ATAD1: variants seen among roughly 807,000 people sequenced by gnomAD.
The protein encoded by ATAD1 is outer mitochondrial transmembrane helix translocase.
ATAD1 carries 18 observed loss-of-function variants against 42.7 expected under a neutral mutation model. The observed-to-expected ratio is 0.42, with a 90% CI of 0.29 to 0.63. ATAD1 has a LOEUF of 0.63. Among genes scored for constraint, ATAD1 ranks in the 20% least tolerant of loss-of-function variants. ATAD1 has a pLI of 0.19. For missense variants in ATAD1, 294 were observed against 440.4 expected, an observed-to-expected ratio of 0.67 and a Z score of 2.98; for synonymous variants, 132 against 143.1, an observed-to-expected ratio of 0.92 and a Z score of 0.55.
intron 1 of ATAD1, among the ~76,000 whole-genome samples, chr10:87,825,817 T>C (rs767848822): frequency 2.6e-5 from 4 of 151,912 alleles, no homozygotes; most frequent in African/African-American, 4.8e-5. Context: ...TCCTCCCAGC[T>C]TGGCCTCCCA....
chr10:87,835,314 G>A (rs2132116333), intron 1 of ATAD1, among the ~76,000 whole-genome samples: 1 of 152,164 alleles, frequency 6.6e-6, no homozygotes, highest in Admixed American at 6.5e-5. Context: ...ATCCATCACT[G>A]AGAGAGGAGT....
At chr10:87,783,671 G>A (rs865892544) in intron 5 of ATAD1, among the ~76,000 whole-genome samples, 5 of 150,878 alleles carry the variant, frequency 3.3e-5, no homozygotes, top group Middle Eastern at 3.5e-3. Context: ...TATATACATC[G>A]TACCAGGAAC....
At chr10:87,817,640 T>C (rs1406127616) in intron 1 of ATAD1, among the ~76,000 whole-genome samples, 2 of 152,244 alleles carry the variant, frequency 1.3e-5, no homozygotes, top group Non-Finnish European at 2.9e-5. Context: ...ATAAAGGCCC[T>C]ACGAATACAG....
intron 8 of ATAD1, among the ~76,000 whole-genome samples, chr10:87,766,422 CAAAG>C (rs1276465090): frequency 1.3e-5 from 2 of 151,588 alleles, no homozygotes; most frequent in African/African-American, 4.8e-5. Context: ...AGTGTAAAAA[CAAAG>C]AGAGACAACA....
At chr10:87,758,140 T>C (rs2131756708) in intron 8 of ATAD1, among the ~76,000 whole-genome samples, 1 of 152,266 alleles carries the variant, frequency 6.6e-6, no homozygotes, top group East Asian at 1.9e-4. Flanking sequence ...TAAAATGCTG[T>C]ACAATAAGGA....
At chr10:87,806,060 ATC>A (rs1856908689) in intron 2 of ATAD1, among the ~76,000 whole-genome samples, 1 of 152,042 alleles carries the variant, frequency 6.6e-6, no homozygotes, top group East Asian at 1.9e-4. Context: ...TAACCAAATA[ATC>A]TCTGAGGTTT....
intron 8 of ATAD1, among the ~76,000 whole-genome samples, chr10:87,763,168 G>A (rs1854577287): frequency 6.7e-6 from 1 of 148,690 alleles, no homozygotes; most frequent in Non-Finnish European, 1.5e-5. Context: ...AAAACATGGA[G>A]AATTTTAGGA....
At chr10:87,784,950 C>T (rs1218413216) in intron 4 of ATAD1, among the ~76,000 whole-genome samples, 3 of 152,288 alleles carry the variant, frequency 2.0e-5, no homozygotes, top group African/African-American at 7.2e-5. Context: ...CAAATTCATA[C>T]CACTTTATCA....
At chr10:87,782,973 T>C (rs1378859012) in intron 5 of ATAD1, among the ~76,000 whole-genome samples, 2 of 149,936 alleles carry the variant, frequency 1.3e-5, no homozygotes, top group Non-Finnish European at 1.5e-5. Flanking sequence ...AATCCAGCCA[T>C]GACAGAGCGT....
chr10:87,756,969 T>A (rs774871951), intron 8 of ATAD1, 47 bp from the exon 9 acceptor site: 2 of 1,471,096 alleles, frequency 1.4e-6, no homozygotes, highest in South Asian at 2.8e-5. Flanking sequence ...ATAAATATAT[T>A]GTAAATGATA....
chr10:87,771,070 T>C (rs1855008535), intron 6 of ATAD1, 29 bp from the exon 7 acceptor site: 2 of 1,545,172 alleles, frequency 1.3e-6, no homozygotes, highest in African/African-American at 2.7e-5. Context: ...CAGAAGGTAT[T>C]AAATCTACCA....
chr10:87,818,345 G>A (rs1857534047), upstream of ATAD1: 2 of 799,916 alleles, frequency 2.5e-6, no homozygotes, highest in South Asian at 5.7e-5. Context: ...CAGTGAGGGA[G>A]AGCAAATTCG....
chr10:87,777,890 T>TA (rs1277386332), intron 5 of ATAD1, among the ~76,000 whole-genome samples: 1 of 152,144 alleles, frequency 6.6e-6, no homozygotes, highest in African/African-American at 2.4e-5. Context: ...TAGATTTATT[T>TA]AAAGTTTAAT....
intron 1 of ATAD1, among the ~76,000 whole-genome samples, chr10:87,838,302 G>A (rs534144268): frequency 7.2e-4 from 109 of 152,004 alleles, no homozygotes; most frequent in Middle Eastern, 6.8e-3. Flanking sequence ...CGAGGTGGTC[G>A]GATCACCTGA....
intron 3 of ATAD1, 33 bp downstream of exon 3, chr10:87,792,624 A>AAT: frequency 6.9e-7 from 1 of 1,448,932 alleles, no homozygotes; most frequent in Non-Finnish European, 9.6e-7. Context: ...CCCCACCTCT[A>AAT]AAAAAATCTT....
intron 2 of ATAD1, among the ~76,000 whole-genome samples, chr10:87,794,648 C>T (rs1191865265): frequency 1.3e-5 from 2 of 152,114 alleles, no homozygotes; most frequent in African/African-American, 2.4e-5. Context: ...CTTTCCCCAT[C>T]CCAAATAATT....
At chr10:87,831,650 T>G (rs1348195831) in intron 1 of ATAD1, among the ~76,000 whole-genome samples, 1 of 152,188 alleles carries the variant, frequency 6.6e-6, no homozygotes, top group Non-Finnish European at 1.5e-5. Context: ...GTGCAGGGCC[T>G]TACAATTTAA....
intron 1 of ATAD1, among the ~76,000 whole-genome samples, chr10:87,826,872 A>G (rs1236458894): frequency 6.6e-6 from 1 of 152,216 alleles, no homozygotes. Flanking sequence ...CAGTTGAATC[A>G]ATCAGAAGGA....
intron 5 of ATAD1, among the ~76,000 whole-genome samples, chr10:87,778,178 T>TAAAAAAAAA (rs377243162): frequency 3.4e-5 from 3 of 88,762 alleles, no homozygotes; most frequent in Admixed American, 1.3e-4. Flanking sequence ...TAGAATAAAT[T>TAAAAAAAAA]AAAAAAAAAA....
Sources: allele counts gnomAD v4.1 joint callset (sites outside exome capture counted in the v4.1 genomes callset), GRCh38; gene constraint gnomAD v4.1.1; transcripts MANE v1.5; gene names NCBI Gene and HGNC (gene_info 2026-07-23, HGNC 2026-07-21).